The following SORBS2 variants were observed in gnomAD, a reference collection of about 807,000 sequenced individuals.
The protein encoded by SORBS2 is sorbin and SH3 domain-containing protein 2.
In SORBS2, 46 loss-of-function variants were observed where a neutral mutation model predicts 97.7. That is an observed-to-expected ratio of 0.47 (90% CI 0.37 to 0.60). SORBS2 has a LOEUF of 0.60. SORBS2 is among the 20% of genes least tolerant of loss of function. SORBS2 has a pLI of 0.00. For missense variants in SORBS2, 1,316 were observed against 1,282.3 expected (o/e 1.03, Z -0.40); for synonymous variants, 476 against 473.4 (o/e 1.01, Z -0.07).
chr4:185,886,554 C>CAAAAAAAAAAAAAAAAAA (rs1198439527), intron 1 of SORBS2, among the ~76,000 whole-genome samples: 12 of 72,872 alleles, frequency 1.6e-4, no homozygotes, highest in Non-Finnish European at 2.3e-4. Flanking sequence ...GACTCTGTCT[C>CAAAAAAAAAAAAAAAAAA]AAAAAAAAAA....
chr4:185,614,736 G>A, intron 11 of SORBS2, 95 bp downstream of exon 23: 1 of 1,412,726 alleles, frequency 7.1e-7, no homozygotes, highest in Non-Finnish European at 9.6e-7. Flanking sequence ...TAAAGAAAAA[G>A]ATAACCTATT....
chr4:185,694,180 T>A (rs2098137610), intron 2 of SORBS2, among the ~76,000 whole-genome samples: 2 of 152,244 alleles, frequency 1.3e-5, no homozygotes, highest in African/African-American at 4.8e-5. Flanking sequence ...CTTTAGACAG[T>A]TCAAACTAAA....
intron 1 of SORBS2, among the ~76,000 whole-genome samples, chr4:185,858,912 G>T (rs1235828726): frequency 6.6e-6 from 1 of 152,188 alleles, no homozygotes; most frequent in African/African-American, 2.4e-5. Context: ...ATTTGCAACA[G>T]TCTCTATTGA....
intron 1 of SORBS2, among the ~76,000 whole-genome samples, chr4:185,858,799 G>A (rs2099222097): frequency 6.6e-6 from 1 of 152,138 alleles, no homozygotes. Flanking sequence ...TAAAAGGTAT[G>A]GAAAAAATGT....
intron 5 of SORBS2, 42 bp downstream of exon 8, chr4:185,662,062 C>T: frequency 6.2e-7 from 1 of 1,610,374 alleles, no homozygotes; most frequent in Non-Finnish European, 8.5e-7. Context: ...GTACTTGCCG[C>T]ATTGAGGTTG....
intron 1 of SORBS2, among the ~76,000 whole-genome samples, chr4:185,921,038 C>T (rs1010876339): frequency 1.3e-5 from 2 of 152,136 alleles, no homozygotes; most frequent in African/African-American, 4.8e-5. Flanking sequence ...GAGGGCTGGG[C>T]GGGGAATGCT....
At chr4:185,805,067 G>C (rs1192684278) in intron 1 of SORBS2, among the ~76,000 whole-genome samples, 3 of 151,942 alleles carry the variant, frequency 2.0e-5, no homozygotes, top group African/African-American at 7.3e-5. Context: ...TGATGAATGT[G>C]ACTGTACCAA....
In SORBS2 at chr4:185,587,651, G is replaced by T. The variant is rs61744509; in HGVS notation, c.2991C>A (p.Pro997=). 34,408 of 1,613,214 alleles carry T rather than the reference G, an allele frequency of 0.021. 438 individuals are homozygous for T. Among genetic ancestry groups the T allele is most frequent in the Non-Finnish European group, 0.025 (30,039 of 1,179,538 alleles). The change falls in exon 15 of 15, where the codon CCC becomes CCA. Residue 997 remains proline, a synonymous_variant. Coordinates refer to ENST00000418609, the Ensembl canonical transcript of SORBS2. ...TTCACAGCCTCTTGACGTAGTTTCC[G>T]GGGAAAGTACCAAAGAATTTGGTTC...
intron 10 of SORBS2, 41 bp downstream of exon 22, chr4:185,615,004 T>G: frequency 6.2e-7 from 1 of 1,613,838 alleles, no homozygotes; most frequent in Non-Finnish European, 8.5e-7. Context: ...CGGTGACCTT[T>G]GAAACCACCG....
intron 1 of SORBS2, among the ~76,000 whole-genome samples, chr4:185,881,289 C>G (rs758824470): frequency 1.1e-4 from 17 of 152,032 alleles, no homozygotes; most frequent in Admixed American, 2.0e-4. Context: ...GAAATGGAAG[C>G]TAGACAACAA....
At chr4:185,829,492 T>C (rs1299025089) in intron 1 of SORBS2, among the ~76,000 whole-genome samples, 1 of 152,022 alleles carries the variant, frequency 6.6e-6, no homozygotes, top group African/African-American at 2.4e-5. Flanking sequence ...GCCAGAACAA[T>C]AGAAAGTAGA....
In SORBS2 at chr4:185,762,102, C is replaced by CTG. The variant is rs575330946; in HGVS notation, c.-198+13123_-198+13124dup. Among the ~76,000 whole-genome samples the CTG allele has an allele frequency of 4.7e-3, 721 of 152,276 alleles. 5 individuals carry two copies. Among genetic ancestry groups the CTG allele is most frequent in the African/African-American group, 0.016 (668 of 41,556 alleles). ...TCCTAGTCAAGGATGTTGCAATAGC[C>CTG]TGTGAACTAGGAAAGGAGTGATATT... On this transcript the variant is annotated intron_variant, in intron 2 of 20. Transcript: ENST00000284776.
intron 4 of SORBS2, among the ~76,000 whole-genome samples, chr4:185,640,796 T>G (rs1191613158): frequency 1.3e-5 from 2 of 152,216 alleles, no homozygotes; most frequent in Non-Finnish European, 2.9e-5. Flanking sequence ...GAATTTCCAG[T>G]AATTTCTCTT....
At chr4:185,824,053 G>A (rs1186991367) in intron 1 of SORBS2, among the ~76,000 whole-genome samples, 1 of 152,088 alleles carries the variant, frequency 6.6e-6, no homozygotes. Context: ...AAATGGCCAT[G>A]GTTACTGCAT....
intron 12 of SORBS2, among the ~76,000 whole-genome samples, chr4:185,595,586 T>A (rs1002831876): frequency 2.0e-5 from 3 of 152,184 alleles, no homozygotes; most frequent in Non-Finnish European, 2.9e-5. Context: ...GAAGTAAGAT[T>A]TGTATACATC....
intron 2 of SORBS2, among the ~76,000 whole-genome samples, chr4:185,700,283 G>A (rs1370941779): frequency 6.6e-6 from 1 of 151,430 alleles, no homozygotes; most frequent in Non-Finnish European, 1.5e-5. Context: ...CTTTTAAAGT[G>A]TCCACATGAG....
chr4:185,942,680 A>G (rs2099272691), intron 1 of SORBS2, among the ~76,000 whole-genome samples: 1 of 152,086 alleles, frequency 6.6e-6, no homozygotes. Context: ...CCCTCAGTAC[A>G]ATGTGTCTCC....
intron 4 of SORBS2, among the ~76,000 whole-genome samples, chr4:185,631,457 G>A (rs1581382712): frequency 6.6e-6 from 1 of 152,320 alleles, no homozygotes; most frequent in East Asian, 1.9e-4. Context: ...ACTGTGGTAT[G>A]ATGTCCAGAA....
At chr4:185,907,287 C>G (rs1032870824) in intron 1 of SORBS2, among the ~76,000 whole-genome samples, 3 of 152,174 alleles carry the variant, frequency 2.0e-5, no homozygotes, top group African/African-American at 7.2e-5. Context: ...TGTCTGTCCA[C>G]CTTAAATGTT....
Sources: gnomAD v4.1 joint callset for allele counts (sites outside exome capture counted in the v4.1 genomes callset) on GRCh38, gnomAD v4.1.1 for gene constraint, MANE v1.5 for transcripts, NCBI Gene and HGNC (gene_info 2026-07-23, HGNC 2026-07-21) for gene names.